NLRP13: variants seen among roughly 807,000 people sequenced by gnomAD.
The protein encoded by NLRP13 is NACHT, LRR and PYD domains-containing protein 13.
NLRP13 carries 82 observed loss-of-function variants against 94.4 expected under a neutral mutation model. That is an observed-to-expected ratio of 0.87 (90% CI 0.73 to 1.04). The LOEUF is 1.04. NLRP13 is among the 50% of genes least tolerant of loss of function. The pLI is 0.00. For missense variants in NLRP13, 1,426 were observed against 1,230.8 expected, an observed-to-expected ratio of 1.16 and a Z score of -2.37; for synonymous variants, 553 against 464.7, an observed-to-expected ratio of 1.19 and a Z score of -2.45.
intron 5 of NLRP13, 84 bp from the exon 6 acceptor site, chr19:55,910,817 A>T: frequency 9.0e-7 from 1 of 1,114,630 alleles, no homozygotes; most frequent in Non-Finnish European, 1.3e-6. Flanking sequence ...ACACAGAAAG[A>T]AACCCTAACA....
chr19:55,893,959 G>C (rs74668604), downstream of NLRP13, among the ~76,000 whole-genome samples: 3,225 of 151,762 alleles, frequency 0.021, 139 homozygotes, highest in African/African-American at 0.074. Flanking sequence ...CCTAAAGTAG[G>C]CAAGGTTCCT....
chr19:55,896,820 C>CAAAAAAAAAAAAAAAAAAAAAAAAAAAAA (rs3073244), intron 10 of NLRP13, among the ~76,000 whole-genome samples: 1 of 80,912 alleles, frequency 1.2e-5, no homozygotes, highest in Non-Finnish European at 2.5e-5. Flanking sequence ...CTCCATCTCA[C>CAAAAAAAAAAAAAAAAAAAAAAAAAAAAA]AAAAAAAAAA....
chr19:55,927,592 C>T (rs939454754), intron 1 of NLRP13, among the ~76,000 whole-genome samples: 1 of 151,952 alleles, frequency 6.6e-6, no homozygotes, highest in Non-Finnish European at 1.5e-5. Flanking sequence ...GTGACACTCT[C>T]CCAGCTCTGA....
intron 8 of NLRP13, 48 bp downstream of exon 8, chr19:55,904,894 T>C: frequency 1.3e-6 from 2 of 1,502,246 alleles, no homozygotes; most frequent in Non-Finnish European, 1.8e-6. Flanking sequence ...GTTCTAGATA[T>C]CTGTGCCCAT....
At chr19:55,930,874 T>TTATATATATATATATATA (rs372288236) in intron 1 of NLRP13, among the ~76,000 whole-genome samples, 1 of 70,192 alleles carries the variant, frequency 1.4e-5, no homozygotes, top group African/African-American at 7.9e-5. Flanking sequence ...GAATCAGTGA[T>TTATATATATATATATATA]TATATATATA....
rs374350130 is a variant in NLRP13 at position 55,896,106 on chromosome 19, T to C, written c.2971A>G (p.Asn991Asp). The stretch of plus-strand genomic sequence containing the variant: ...TGCTGGCAGCAAGCAGTTGTCAGAT[T>C]GCATTTCGCCAACCTAGGGGCGGGT... ...ALHTLGLAKC[N>D]LTTACCQHLF... The change falls in exon 11 of 11, where the codon AAT becomes GAT. Residue 991 changes from asparagine to aspartate, a missense_variant. Coordinates refer to ENST00000342929, the MANE Select transcript of NLRP13 (RefSeq NM_176810.2). 6.2e-7 allele frequency: 1 copy of C among 1,614,086 alleles called. No individual in the cohort carries two copies.
chr19:55,924,681 G>C, intron 2 of NLRP13, 23 bp from the exon 3 acceptor site: 1 of 1,602,644 alleles, frequency 6.2e-7, no homozygotes, highest in Non-Finnish European at 8.5e-7. Flanking sequence ...TTGACGATGA[G>C]ATATGAAAAT....
chr19:55,930,897 TAA>T (rs201775956), intron 1 of NLRP13, among the ~76,000 whole-genome samples: 2 of 94,906 alleles, frequency 2.1e-5, no homozygotes, highest in Non-Finnish European at 4.7e-5. Context: ...TATATATATA[TAA>T]AATTTTAACC....
downstream of NLRP13, among the ~76,000 whole-genome samples, chr19:55,895,029 A>G (rs961735467): frequency 1.7e-4 from 26 of 152,182 alleles, no homozygotes; most frequent in Admixed American, 1.0e-3. Context: ...CCACTGCATT[A>G]AAAGTAATAG....
intron 1 of NLRP13, among the ~76,000 whole-genome samples, chr19:55,926,218 A>G (rs1252293846): frequency 6.6e-6 from 1 of 152,168 alleles, no homozygotes; most frequent in East Asian, 1.9e-4. Flanking sequence ...CACCATCTGG[A>G]TCTTCATAGA....
intron 1 of NLRP13, among the ~76,000 whole-genome samples, chr19:55,925,383 A>G (rs918338243): frequency 6.6e-6 from 1 of 152,174 alleles, no homozygotes; most frequent in African/African-American, 2.4e-5. Context: ...TATCTTTAAT[A>G]ACATACCTTA....
At chr19:55,894,345 T>C (rs1260005547), downstream of NLRP13, among the ~76,000 whole-genome samples, 1 of 152,166 alleles carries the variant, frequency 6.6e-6, no homozygotes, top group Admixed American at 6.5e-5. Context: ...GCCAACCTGC[T>C]TACCTTTCTG....
At position 55,928,978 on chromosome 19, in the gene NLRP13, C is replaced by T. The variant is rs148957075; in HGVS notation, c.319+3015G>A. On this transcript the variant is annotated intron_variant, in intron 1 of 10. Coordinates refer to ENST00000342929, the MANE Select transcript of NLRP13 (RefSeq NM_176810.2). Reference sequence around the variant, plus strand: ...TCAAAAAGTGGGCGAAGTATATGAACAGACACTTCTCAAAAGAAGACATTT... The same window carrying T: ...TCAAAAAGTGGGCGAAGTATATGAATAGACACTTCTCAAAAGAAGACATTT... 7.2e-3 allele frequency among the ~76,000 whole-genome samples: 1,099 copies of T among 152,150 alleles called. 4 individuals are homozygous for T. Among genetic ancestry groups the T allele is most frequent in the Middle Eastern group, 0.014 (4 of 294 alleles).
At chr19:55,891,997 G>A (rs1985862610), downstream of NLRP13, 5 of 854,320 alleles carry the variant, frequency 5.9e-6, no homozygotes, top group Non-Finnish European at 7.8e-6. Context: ...TCTAATCCGT[G>A]GGATCACCAC....
chr19:55,928,954 CA>C (rs1331119272), intron 1 of NLRP13, among the ~76,000 whole-genome samples: 5 of 152,022 alleles, frequency 3.3e-5, no homozygotes, highest in African/African-American at 4.8e-5. Context: ...AAAATCTCAT[CA>C]AAAAGTGGGC....
At chr19:55,930,898 A>ACACACACGTATATATATACATATATATAC in intron 1 of NLRP13, among the ~76,000 whole-genome samples, 3 of 104,906 alleles carry the variant, frequency 2.9e-5, no homozygotes, top group African/African-American at 1.2e-4. Flanking sequence ...ATATATATAT[A>ACACACACGTATATATATACATATATATAC]AAATTTTAAC....
intron 10 of NLRP13, 41 bp downstream of exon 10, chr19:55,898,729 T>C (rs1986083290): frequency 6.5e-7 from 1 of 1,541,266 alleles, no homozygotes; most frequent in Non-Finnish European, 8.8e-7. Context: ...CCCGCAAGAG[T>C]AGAGAAGGAA....
chr19:55,911,983 C>T lies in NLRP13; in HGVS notation c.1834G>A (p.Val612Ile). 12 of 1,614,194 alleles carry T rather than the reference C, an allele frequency of 7.4e-6. No individual in the cohort carries two copies. Among genetic ancestry groups the T allele is most frequent in the Non-Finnish European group, 1.0e-5 (12 of 1,180,028 alleles). Residue 612 changes from valine (V) to isoleucine (I), a missense_variant, in exon 5 of 11, where the codon GTA becomes ATA. Val to Ile is a conservative substitution (Grantham distance 29). Transcript: ENST00000342929. ...CCCCACTTTAATAATTCCTCCATTA[C>T]CCTGGGAGATATTTTACAATGCAAA... ...DTLHCKISPR[V>I]MEELLKWGEE...
chr19:55,896,881 C>A (rs927166805), intron 10 of NLRP13, among the ~76,000 whole-genome samples: 1 of 149,858 alleles, frequency 6.7e-6, no homozygotes, highest in Non-Finnish European at 1.5e-5. Context: ...ATGCCGGGCA[C>A]CTTTTAAATA....
Sources: gnomAD v4.1 joint callset for allele counts (sites outside exome capture counted in the v4.1 genomes callset) on GRCh38, gnomAD v4.1.1 for gene constraint, MANE v1.5 for transcripts, NCBI Gene and HGNC (gene_info 2026-07-23, HGNC 2026-07-21) for gene names.